JAK1: variants seen among roughly 807,000 people sequenced by gnomAD.
JAK1 encodes Janus kinase 1.
JAK1 carries 16 observed loss-of-function variants against 136.6 expected under a neutral mutation model. The observed-to-expected ratio is 0.12, with a 90% CI of 0.08 to 0.18. The LOEUF (loss-of-function observed/expected upper bound fraction) is 0.18. JAK1 is among the 10% of genes least tolerant of loss of function. JAK1 has a pLI of 1.00. For synonymous variants in JAK1, 492 were observed against 519.5 expected (o/e 0.95, Z 0.72); for missense variants, 859 against 1,450.1 (o/e 0.59, Z 6.62).
At chr1:64,890,591 C>T (rs1644920249) in intron 1 of JAK1, among the ~76,000 whole-genome samples, 1 of 152,160 alleles carries the variant, frequency 6.6e-6, no homozygotes, top group African/African-American at 2.4e-5. Context: ...CCAGCCTGGG[C>T]AATATGGCAA....
intron 1 of JAK1, among the ~76,000 whole-genome samples, chr1:64,898,380 G>A (rs1281194281): frequency 6.6e-6 from 1 of 152,214 alleles, no homozygotes; most frequent in Non-Finnish European, 1.5e-5. Context: ...CCAGAGGCCA[G>A]GAGGCCATCT....
intron 1 of JAK1, among the ~76,000 whole-genome samples, chr1:64,946,753 ATTTG>A (rs1157379652): frequency 6.8e-5 from 6 of 88,004 alleles, no homozygotes; most frequent in Admixed American, 2.0e-4. Flanking sequence ...TCAACGAGAT[ATTTG>A]CAAACCCATG....
At chr1:64,917,564 G>T (rs960817634) in intron 1 of JAK1, among the ~76,000 whole-genome samples, 1 of 152,166 alleles carries the variant, frequency 6.6e-6, no homozygotes, top group African/African-American at 2.4e-5. Context: ...TCACTGCCAA[G>T]ATCCCCGTAG....
At chr1:65,041,169 G>A (rs757983527) in intron 2 of JAK1, among the ~76,000 whole-genome samples, 34 of 152,300 alleles carry the variant, frequency 2.2e-4, no homozygotes, top group South Asian at 2.1e-4. Flanking sequence ...GCTGTCGCAC[G>A]GGTCGGAGCA....
At chr1:65,027,351 C>A (rs1646987011) in intron 2 of JAK1, among the ~76,000 whole-genome samples, 1 of 152,116 alleles carries the variant, frequency 6.6e-6, no homozygotes, top group South Asian at 2.1e-4. Flanking sequence ...CTGCACCCAG[C>A]CAATTATCTC....
At chr1:64,922,584 T>C (rs1180558348) in intron 1 of JAK1, among the ~76,000 whole-genome samples, 2 of 152,218 alleles carry the variant, frequency 1.3e-5, no homozygotes, top group Non-Finnish European at 2.9e-5. Flanking sequence ...TGGTTAACCA[T>C]GCTTGTTGAA....
At chr1:64,966,555 CTCCCG>C (rs1646385368), upstream of JAK1, 1 of 149,344 alleles carries the variant, frequency 6.7e-6, no homozygotes, top group African/African-American at 2.4e-5. Context: ...GACGCACCGC[CTCCCG>C]TCCCGCCCCG....
intron 1 of JAK1, chr1:65,057,857 T>C (rs1285936484): frequency 1.3e-5 from 2 of 154,562 alleles, no homozygotes; most frequent in African/African-American, 4.8e-5. Flanking sequence ...ATTCAGTAAA[T>C]ATTCTTTTGA....
chr1:64,873,227 A>G, intron 5 of JAK1, 143 bp downstream of exon 5: 1 of 852,814 alleles, frequency 1.2e-6, no homozygotes. Context: ...ACTTGGGGCA[A>G]GTCCAGGTGT....
intron 1 of JAK1, among the ~76,000 whole-genome samples, chr1:65,062,016 T>G (rs1000972861): frequency 1.3e-5 from 2 of 152,078 alleles, no homozygotes; most frequent in African/African-American, 4.8e-5. Context: ...AATCTCATGC[T>G]ATGTAACTTT....
At chr1:64,862,639 T>C (rs1656422061) in intron 8 of JAK1, among the ~76,000 whole-genome samples, 1 of 152,182 alleles carries the variant, frequency 6.6e-6, no homozygotes, top group South Asian at 2.1e-4. Context: ...GACTTGACTG[T>C]GTCAACCAGG....
intron 1 of JAK1, among the ~76,000 whole-genome samples, chr1:65,063,761 C>T (rs1220424301): frequency 2.1e-5 from 3 of 142,222 alleles, no homozygotes; most frequent in Non-Finnish European, 4.5e-5. Flanking sequence ...GCCAAGATCG[C>T]GTCACTGCAC....
At chr1:64,983,586 AT>A (rs1232346721) in intron 2 of JAK1, among the ~76,000 whole-genome samples, 2 of 152,204 alleles carry the variant, frequency 1.3e-5, no homozygotes, top group Admixed American at 1.3e-4. Flanking sequence ...TAGGTTTCTC[AT>A]TTGGATGGCT....
intron 19 of JAK1, 118 bp downstream of exon 19, chr1:64,841,127 G>A (rs527439147): frequency 6.7e-5 from 50 of 750,872 alleles, no homozygotes; most frequent in Non-Finnish European, 9.5e-5. Flanking sequence ...AGGTGCTTTC[G>A]CTCATGGACC....
chr1:64,901,942 G>C (rs1026403393), intron 1 of JAK1, among the ~76,000 whole-genome samples: 27 of 152,092 alleles, frequency 1.8e-4, no homozygotes, highest in Non-Finnish European at 3.4e-4. Flanking sequence ...ATGCACCAGT[G>C]CTTCATTCTT....
chr1:64,900,500 T>A (rs1462873181), intron 1 of JAK1, among the ~76,000 whole-genome samples: 4 of 152,142 alleles, frequency 2.6e-5, no homozygotes, highest in Non-Finnish European at 5.9e-5. Context: ...CAGACTGACA[T>A]GAAGTGAGAC....
At chr1:64,957,051 C>T (rs142473182) in intron 1 of JAK1, among the ~76,000 whole-genome samples, 2 of 152,114 alleles carry the variant, frequency 1.3e-5, no homozygotes, top group African/African-American at 4.8e-5. Context: ...AATGTGACAG[C>T]AAGAAGGTCA....
At chr1:65,052,546 C>T (rs1387263790) in intron 1 of JAK1, among the ~76,000 whole-genome samples, 1 of 152,094 alleles carries the variant, frequency 6.6e-6, no homozygotes, top group African/African-American at 2.4e-5. Context: ...GGCGCAGTGG[C>T]TCATGCCTGT....
Position 64,837,973 on chromosome 1 carries a change from C to T in JAK1, c.3099G>A (p.Glu1033=), listed in dbSNP as rs2100944135. 6.2e-7 allele frequency: 1 copy of T among 1,614,172 alleles called. No individual in the cohort carries two copies. Among genetic ancestry groups the T allele is most frequent in the Non-Finnish European group, 8.5e-7 (1 of 1,180,018 alleles). Reference sequence around the variant, plus strand: ...CCCGGTCATCCTTGACGGTGTAATACTCCTTATCGGTTTCAATTGCTTTGG... The same window carrying T: ...CCCGGTCATCCTTGACGGTGTAATATTCCTTATCGGTTTCAATTGCTTTGG... The part of the protein sequence containing the change: ...GLTKAIETDK[E]YYTVKDDRDS... Residue 1033 remains glutamate (E), a synonymous_variant, in exon 22 of 25, where the codon GAG becomes GAA. Transcript: ENST00000342505.
Sources: allele counts gnomAD v4.1 joint callset (sites outside exome capture counted in the v4.1 genomes callset), GRCh38; gene constraint gnomAD v4.1.1; transcripts MANE v1.5; gene names NCBI Gene and HGNC (gene_info 2026-07-23, HGNC 2026-07-21).